The following IPO11 variants were observed in gnomAD, a reference collection of about 807,000 sequenced individuals.
IPO11 encodes the protein importin 11, also known as importin-11.
In IPO11, 66 loss-of-function variants were observed where a neutral mutation model predicts 143.2. The observed-to-expected ratio is 0.46, with a 90% CI of 0.38 to 0.57. The LOEUF (loss-of-function observed/expected upper bound fraction) is 0.57, where lower values mean the gene tolerates loss of function less well. IPO11 is among the 20% of genes least tolerant of loss of function. IPO11 has a pLI of 0.00. For missense variants in IPO11, 1,026 were observed against 1,141.0 expected, an observed-to-expected ratio of 0.90 and a Z score of 1.45; for synonymous variants, 385 against 377.8, an observed-to-expected ratio of 1.02 and a Z score of -0.22.
At chr5:62,493,565 C>T (rs1394808307) in intron 15 of IPO11, among the ~76,000 whole-genome samples, 14 of 150,972 alleles carry the variant, frequency 9.3e-5, no homozygotes. Context: ...TAGAAGTAGG[C>T]TTTAAGCTTT....
In IPO11 at chr5:62,476,734, T is replaced by G. The variant is rs1745973150; in HGVS notation, c.809T>G (p.Ile270Ser). Residue 270 changes from isoleucine to serine, a missense_variant, in exon 9 of 30, where the codon ATC becomes AGC. Transcript: ENST00000325324. The stretch of plus-strand genomic sequence containing the variant: ...TGTAGAGATAGACTGGAAAAGACCA[T>G]CATTCTTTTTACTAAAGTGGTAAGT... ...NVCRDRLEKT[I>S]ILFTKVLLDF... The G allele has an allele frequency of 1.3e-6, 2 of 1,523,120 alleles. No individual in the cohort carries two copies. Among genetic ancestry groups the G allele is most frequent in the African/African-American group, 1.4e-5 (1 of 70,992 alleles). The allele number at this position is 1,523,120 out of a possible 1,614,324, so 94.4% of individuals were successfully genotyped here. A position where few individuals can be genotyped will look rare whatever the true frequency, so the allele number is the denominator to read the frequency against.
At chr5:62,448,174 TG>T (rs746517542) in intron 3 of IPO11, among the ~76,000 whole-genome samples, 37 of 152,166 alleles carry the variant, frequency 2.4e-4, no homozygotes, top group Middle Eastern at 6.8e-3. Context: ...TTATTTAGTA[TG>T]TTTTTTTTTT....
chr5:62,432,867 T>G (rs1455409492), intron 1 of IPO11, among the ~76,000 whole-genome samples: 5 of 152,172 alleles, frequency 3.3e-5, no homozygotes, highest in Non-Finnish European at 7.3e-5. Context: ...TCAAGTTGTG[T>G]TGTTGTTGTT....
intron 26 of IPO11, among the ~76,000 whole-genome samples, chr5:62,558,740 A>G (rs1743662743): frequency 6.6e-6 from 1 of 152,216 alleles, no homozygotes; most frequent in Non-Finnish European, 1.5e-5. Context: ...TGTAGTTTTA[A>G]TAGAATATTT....
At chr5:62,447,667 C>T (rs148799533) in intron 3 of IPO11, among the ~76,000 whole-genome samples, 1 of 151,796 alleles carries the variant, frequency 6.6e-6, no homozygotes, top group African/African-American at 2.4e-5. Context: ...CTCACTGCAA[C>T]CTCGACTTCT....
At chr5:62,601,668 TA>T in intron 28 of IPO11, 95 bp from the exon 29 acceptor site, 8 of 532,112 alleles carry the variant, frequency 1.5e-5, no homozygotes, top group Non-Finnish European at 2.1e-5. Flanking sequence ...ACTAAGAACA[TA>T]GAATTATTCA....
chr5:62,621,721 G>C (rs1746384369), intron 29 of IPO11, among the ~76,000 whole-genome samples: 1 of 152,166 alleles, frequency 6.6e-6, no homozygotes, highest in African/African-American at 2.4e-5. Flanking sequence ...TTATATGCTA[G>C]CAATAACTAG....
At chr5:62,616,984 C>T (rs1221705558) in intron 29 of IPO11, among the ~76,000 whole-genome samples, 2 of 152,154 alleles carry the variant, frequency 1.3e-5, no homozygotes, top group African/African-American at 4.8e-5. Context: ...TTTAAAGGTT[C>T]TCATTCAACA....
chr5:62,494,858 T>TC lies in IPO11; in HGVS notation c.1590+735dup, dbSNP rs548047135. On this transcript the variant is annotated intron_variant, in intron 16 of 29. Transcript: ENST00000325324. ...AGGTAAAATTAAGTGATTTTTTTTT[T>TC]CTCCCCTGAGTTGTGCTAAGATCTT... Among the ~76,000 whole-genome samples, 104 of 152,270 alleles carry TC rather than the reference T, an allele frequency of 6.8e-4. No homozygotes were observed. In the South Asian group the frequency reaches 0.02, roughly 30 times the overall value.
intron 29 of IPO11, among the ~76,000 whole-genome samples, chr5:62,616,010 C>A (rs1350607862): frequency 8.5e-6 from 1 of 117,450 alleles, no homozygotes; most frequent in African/African-American, 3.3e-5. Context: ...TAGATAGGAA[C>A]ATTTGTCATG....
intron 20 of IPO11, among the ~76,000 whole-genome samples, chr5:62,518,843 G>A (rs906141018): frequency 4.6e-5 from 7 of 152,112 alleles, no homozygotes; most frequent in Admixed American, 1.3e-4. Context: ...TCGTTCATAC[G>A]CTAAACATTT....
rs191739668 is a variant in IPO11, at chr5:62,526,579, G to A, written c.2012+322G>A. ...CCAGTCTGTTAAATGAGATGTTTGG[G>A]GGATATTGAGGTCCTCTTACTACTT... On this transcript the variant is annotated intron_variant, in intron 21 of 29. Transcript: ENST00000325324. 436 of 221,852 alleles carry A rather than the reference G, an allele frequency of 2.0e-3. 3 individuals are homozygous for A. Among genetic ancestry groups the A allele is most frequent in the Middle Eastern group, 5.1e-3 (3 of 592 alleles). The allele number at this position is 221,852 out of a possible 1,614,324, so 13.7% of individuals were successfully genotyped here. A position where few individuals can be genotyped will look rare whatever the true frequency, so the allele number is the denominator to read the frequency against.
At chr5:62,462,684 C>T (rs958338570) in intron 5 of IPO11, among the ~76,000 whole-genome samples, 3 of 152,164 alleles carry the variant, frequency 2.0e-5, no homozygotes, top group Non-Finnish European at 2.9e-5. Flanking sequence ...GCATGAGCCA[C>T]TATGCCCGGC....
At chr5:62,427,746 C>A (rs1224159028) in intron 1 of IPO11, among the ~76,000 whole-genome samples, 1 of 152,180 alleles carries the variant, frequency 6.6e-6, no homozygotes, top group Admixed American at 6.5e-5. Context: ...TGCCCTTTAC[C>A]CCTCTTCCAC....
chr5:62,584,107 C>T (rs1744665855), intron 27 of IPO11, among the ~76,000 whole-genome samples: 1 of 152,132 alleles, frequency 6.6e-6, no homozygotes, highest in South Asian at 2.1e-4. Flanking sequence ...TATTTATAAA[C>T]TATAAATTAA....
chr5:62,595,033 G>A (rs148123074), intron 28 of IPO11, among the ~76,000 whole-genome samples: 7 of 152,310 alleles, frequency 4.6e-5, no homozygotes, highest in African/African-American at 1.2e-4. Context: ...TGTGGAGGAC[G>A]ACAGAAGGGG....
chr5:62,601,031 C>T (rs962231175), intron 28 of IPO11, among the ~76,000 whole-genome samples: 1 of 152,212 alleles, frequency 6.6e-6, no homozygotes, highest in African/African-American at 2.4e-5. Flanking sequence ...CCCAAACTTT[C>T]TTTGCCACTG....
At chr5:62,527,885 C>T (rs916523865) in intron 21 of IPO11, among the ~76,000 whole-genome samples, 1 of 152,028 alleles carries the variant, frequency 6.6e-6, no homozygotes, top group African/African-American at 2.4e-5. Flanking sequence ...GGTGCCAATC[C>T]CAGTTATGCT....
At chr5:62,452,920 T>G (rs1186806661) in intron 5 of IPO11, among the ~76,000 whole-genome samples, 1 of 150,464 alleles carries the variant, frequency 6.6e-6, no homozygotes, top group Non-Finnish European at 1.5e-5. Flanking sequence ...GCCCAGATGG[T>G]TTTTTAATTT....
Sources: allele counts gnomAD v4.1 joint callset (sites outside exome capture counted in the v4.1 genomes callset), GRCh38; gene constraint gnomAD v4.1.1; transcripts MANE v1.5; gene names NCBI Gene and HGNC (gene_info 2026-07-23, HGNC 2026-07-21).